ZFP1: variants seen among roughly 807,000 people sequenced by gnomAD.
ZFP1 encodes ZFP1 zinc finger protein.
In ZFP1, 32 loss-of-function variants were observed where a neutral mutation model predicts 38.5. That is an observed-to-expected ratio of 0.83 (90% CI 0.63 to 1.12). ZFP1 has a LOEUF of 1.12. Ranked by LOEUF, ZFP1 falls within the 50% of genes most tolerant of loss-of-function variation. The pLI is 0.00. For synonymous variants in ZFP1, 245 were observed against 168.8 expected (o/e 1.45, Z -3.50); for missense variants, 616 against 480.8 (o/e 1.28, Z -2.63).
At chr16:75,153,989 T>C (rs2145508982) in intron 2 of ZFP1, among the ~76,000 whole-genome samples, 1 of 152,202 alleles carries the variant, frequency 6.6e-6, no homozygotes, top group Admixed American at 6.5e-5. Flanking sequence ...CACTTAGAAA[T>C]ATGCATTTAA....
chr16:75,138,994 C>G, the ZFP1 span, among the ~76,000 whole-genome samples: 1 of 152,124 alleles, frequency 6.6e-6, no homozygotes, highest in Admixed American at 6.5e-5. Flanking sequence ...ACCCACAACT[C>G]CATTCTAATC....
At chr16:75,165,192 G>T (rs1005581403) in intron 2 of ZFP1, among the ~76,000 whole-genome samples, 2 of 151,974 alleles carry the variant, frequency 1.3e-5, no homozygotes, top group Non-Finnish European at 2.9e-5. Flanking sequence ...TGGCCAAGTC[G>T]GTTTGTTTTA....
intron 2 of ZFP1, among the ~76,000 whole-genome samples, chr16:75,158,631 A>ATT (rs34686066): frequency 0.052 from 7,343 of 142,110 alleles, 329 homozygotes; most frequent in African/African-American, 0.12. Flanking sequence ...TTTATTTGTG[A>ATT]TTTTTTTTTT....
intron 1 of ZFP1, among the ~76,000 whole-genome samples, chr16:75,149,544 T>C (rs1395073444): frequency 6.8e-6 from 1 of 146,614 alleles, no homozygotes; most frequent in African/African-American, 2.5e-5. Flanking sequence ...GTACCGTTTC[T>C]TTTCTTTACT....
chr16:75,140,276 A>G, the ZFP1 span, among the ~76,000 whole-genome samples: 3 of 151,874 alleles, frequency 2.0e-5, no homozygotes, highest in Admixed American at 6.6e-5. Context: ...CTCAAAAAAA[A>G]AAAAAGTTGA....
At chr16:75,134,415 C>T in the ZFP1 span, among the ~76,000 whole-genome samples, 1 of 152,232 alleles carries the variant, frequency 6.6e-6, no homozygotes, top group South Asian at 2.1e-4. Context: ...TGTGACCAGC[C>T]TGGGCATCAA....
rs1315772402 is a variant in ZFP1 at position 75,169,468 on chromosome 16, C to T, written c.358C>T (p.Leu120Phe). Residue 120 changes from leucine (L) to phenylalanine (F), a missense_variant, in exon 4 of 4, where the codon CTT becomes TTT. Physicochemically the swap from Leu to Phe is conservative, Grantham distance 22 (BLOSUM62 0). Coordinates refer to ENST00000570010, the MANE Select transcript of ZFP1 (RefSeq NM_153688.4). Reference sequence around the variant, plus strand: ...AACTTTGAAATATAATTCAGACTTGCTTAATAGTAATAGAAGCTATGCAGG... The same window carrying T: ...AACTTTGAAATATAATTCAGACTTGTTTAATAGTAATAGAAGCTATGCAGG... ...EKTLKYNSDL[L>F]NSNRSYAGKQ... The T allele has an allele frequency of 6.2e-7, 1 of 1,612,794 alleles. No individual in the cohort carries two copies. Among genetic ancestry groups the T allele is most frequent in the South Asian group, 1.1e-5 (1 of 90,836 alleles).
the ZFP1 span, among the ~76,000 whole-genome samples, chr16:75,135,209 CAA>C: frequency 8.5e-3 from 127 of 14,946 alleles, no homozygotes; most frequent in African/African-American, 0.026. Flanking sequence ...GACCTTATCT[CAA>C]AAAAAAAAAA....
At position 75,166,901 on chromosome 16, in the gene ZFP1, G is replaced by C. The variant is rs748543875; in HGVS notation, c.142+5G>C. On this transcript the variant is annotated splice_donor_5th_base_variant and intron_variant, in intron 3 of 3. Coordinates refer to ENST00000570010, the MANE Select transcript of ZFP1 (RefSeq NM_153688.4). The stretch of plus-strand genomic sequence containing the variant: ...ATAGCAACTTACTTTCAGTGGGTAA[G>C]GACGGTTTTCAGGTACAGCTCACCA... 24 of 1,612,896 alleles carry C rather than the reference G, an allele frequency of 1.5e-5. No individual in the cohort carries two copies. The highest frequency in any genetic ancestry group is 4.2e-6 in the Non-Finnish European group (5 of 1,179,194).
the ZFP1 span, among the ~76,000 whole-genome samples, chr16:75,133,305 A>G: frequency 3.3e-5 from 5 of 152,206 alleles, no homozygotes; most frequent in South Asian, 1.0e-3. Context: ...TCGGGGGTAC[A>G]TGCGCAGATT....
chr16:75,130,057 C>T, the ZFP1 span, among the ~76,000 whole-genome samples: 5 of 151,958 alleles, frequency 3.3e-5, no homozygotes, highest in Non-Finnish European at 1.5e-5. Flanking sequence ...AGTGCAGTGG[C>T]GCAAGCTCGG....
At chr16:75,143,629 G>A (rs1412770669), upstream of ZFP1, among the ~76,000 whole-genome samples, 1 of 150,648 alleles carries the variant, frequency 6.6e-6, no homozygotes, top group Non-Finnish European at 1.5e-5. Flanking sequence ...CCCTTTTCTG[G>A]GGATCCAGGA....
At chr16:75,159,348 TC>T (rs375750780) in intron 2 of ZFP1, among the ~76,000 whole-genome samples, 1 of 4,380 alleles carries the variant, frequency 2.3e-4, no homozygotes. Context: ...CCTCCCTCCC[TC>T]CCTTCTTTCC....
intron 2 of ZFP1, among the ~76,000 whole-genome samples, chr16:75,165,265 G>GAA (rs1375112906): frequency 6.6e-6 from 1 of 152,158 alleles, no homozygotes; most frequent in African/African-American, 2.4e-5. Context: ...ACCCTTTATA[G>GAA]AAAAAGTTTG....
upstream of ZFP1, among the ~76,000 whole-genome samples, chr16:75,146,723 G>T (rs1051182783): frequency 1.3e-4 from 20 of 152,034 alleles, no homozygotes; most frequent in Non-Finnish European, 7.4e-5. Flanking sequence ...AGGATTTCTT[G>T]ATCCCAGGAG....
At chr16:75,121,169 G>GT in the ZFP1 span, among the ~76,000 whole-genome samples, 445 of 140,004 alleles carry the variant, frequency 3.2e-3, 7 homozygotes, top group East Asian at 0.012. Context: ...TTTCTTTTTT[G>GT]TTTTTTTTTT....
At chr16:75,159,321 C>A in intron 2 of ZFP1, among the ~76,000 whole-genome samples, 1 of 7,490 alleles carries the variant, frequency 1.3e-4, no homozygotes, top group Non-Finnish European at 7.3e-4. Context: ...CCTTTCCCTC[C>A]TTTCCCTCCC....
upstream of ZFP1, among the ~76,000 whole-genome samples, chr16:75,146,164 T>C (rs1358325323): frequency 1.0e-5 from 1 of 96,030 alleles, no homozygotes; most frequent in African/African-American, 4.8e-5. Flanking sequence ...CCATGCTAAT[T>C]TTTTTTTTTT....
chr16:75,163,838 T>G (rs1298826329), intron 2 of ZFP1, among the ~76,000 whole-genome samples: 1 of 152,152 alleles, frequency 6.6e-6, no homozygotes, highest in African/African-American at 2.4e-5. Context: ...CTCAAACTCC[T>G]GAGCTCAAGC....
Sources: gnomAD v4.1 joint callset for allele counts (sites outside exome capture counted in the v4.1 genomes callset) on GRCh38, gnomAD v4.1.1 for gene constraint, MANE v1.5 for transcripts, NCBI Gene and HGNC (gene_info 2026-07-23, HGNC 2026-07-21) for gene names.